SKP2: variants seen among roughly 807,000 people sequenced by gnomAD.
SKP2 encodes S-phase kinase-associated protein 2.
SKP2 carries 16 observed loss-of-function variants against 51.8 expected under a neutral mutation model. That is an observed-to-expected ratio of 0.31 (90% confidence interval 0.21 to 0.47). The LOEUF is 0.47. SKP2 is among the 20% of genes least tolerant of loss of function. SKP2 has a pLI of 1.00. For synonymous variants in SKP2, 176 were observed against 198.6 expected, an observed-to-expected ratio of 0.89 and a Z score of 0.96; for missense variants, 377 against 505.3, an observed-to-expected ratio of 0.75 and a Z score of 2.43.
rs1474443290 is a variant in SKP2 at position 36,183,514 on chromosome 5, G to A, written c.*1483G>A. 6 of 704,876 alleles carry A rather than the reference G, an allele frequency of 8.5e-6. No homozygotes were observed. Among genetic ancestry groups the A allele is most frequent in the South Asian group, 6.3e-5 (1 of 15,992 alleles). The allele number at this position is 704,876 out of a possible 1,614,324, so 43.7% of individuals were successfully genotyped here. On this transcript the variant is annotated 3_prime_UTR_variant, in exon 10 of 10. Coordinates refer to ENST00000274255, the MANE Select transcript of SKP2 (RefSeq NM_005983.4). ...AATCTCCTGACCTCATGATCCGCCC[G>A]TCTTGGCCTCCCAAAGTGCTGGGAT...
chr5:36,156,390 G>A (rs1744948383), intron 2 of SKP2, among the ~76,000 whole-genome samples: 1 of 152,184 alleles, frequency 6.6e-6, no homozygotes, highest in South Asian at 2.1e-4. Context: ...TCTGATGACT[G>A]GTTCTGGGCT....
chr5:36,168,775 C>T (rs1240064391), intron 5 of SKP2, among the ~76,000 whole-genome samples: 2 of 152,094 alleles, frequency 1.3e-5, no homozygotes, highest in Non-Finnish European at 2.9e-5. Context: ...TACCTTCTTG[C>T]AAGAGGAAAC....
chr5:36,163,838 T>C, intron 3 of SKP2, 82 bp downstream of exon 3: 1 of 923,068 alleles, frequency 1.1e-6, no homozygotes, highest in Non-Finnish European at 1.8e-6. Flanking sequence ...CTGATGAAAC[T>C]AAAAACCAAG....
At chr5:36,163,280 A>T (rs919302788) in intron 2 of SKP2, among the ~76,000 whole-genome samples, 1 of 152,178 alleles carries the variant, frequency 6.6e-6, no homozygotes, top group Non-Finnish European at 1.5e-5. Flanking sequence ...AGAGGGTGGG[A>T]CTTGCTCTGT....
Position 36,153,010 on chromosome 5 carries a change from G to T in SKP2, c.248G>T (p.Arg83Leu), listed in dbSNP as rs749090958. The T allele has an allele frequency of 3.7e-6, 6 of 1,614,100 alleles. No homozygotes were observed. Among genetic ancestry groups the T allele is most frequent in the South Asian group, 1.1e-5 (1 of 91,080 alleles). Residue 83 changes from arginine (R) to leucine (L), a missense_variant, in exon 2 of 10, where the codon CGC (arginine) becomes CTC (leucine). By Grantham distance (102) the Arg-to-Leu change is moderately radical. Transcript: ENST00000274255. ...KGSDKDFVIV[R>L]RPKLNRENFP... Reference sequence around the variant, plus strand: ...AGTGACAAAGACTTTGTGATTGTCCGCAGGCCTAAGCTAAATCGAGAGAAC... The same window carrying T: ...AGTGACAAAGACTTTGTGATTGTCCTCAGGCCTAAGCTAAATCGAGAGAAC...
At position 36,182,630 on chromosome 5, in the gene SKP2, A is replaced by T. The variant is rs1172641325; in HGVS notation, c.*599A>T. On this transcript the variant is annotated 3_prime_UTR_variant, in exon 10 of 10. Transcript: ENST00000274255. The stretch of plus-strand genomic sequence containing the variant: ...CATGTAATTCACCTTAAAACTTAAC[A>T]AAAGACCAAACATTACAAAACCCAG... The T allele has an allele frequency of 6.1e-5, 60 of 982,240 alleles. No individual in the cohort carries two copies. The highest frequency in any genetic ancestry group is 6.9e-5 in the Non-Finnish European group (57 of 827,124). 60.8% of individuals were successfully genotyped at this position (982,240 alleles called of 1,614,324 possible).
chr5:36,178,888 T>C (rs1428074811), intron 9 of SKP2, among the ~76,000 whole-genome samples: 1 of 152,032 alleles, frequency 6.6e-6, no homozygotes, highest in Non-Finnish European at 1.5e-5. Context: ...TTTTATCCAG[T>C]GGGATAATAG....
rs10064044 is a variant in SKP2 at position 36,189,341 on chromosome 5, C to T, written c.633-3280C>T. Among the ~76,000 whole-genome samples, 682 of 152,238 alleles carry T rather than the reference C, an allele frequency of 4.5e-3. 6 individuals carry two copies. The highest frequency in any genetic ancestry group is 0.016 in the African/African-American group (656 of 41,536). On this transcript the variant is annotated intron_variant, in intron 6 of 7. Transcript: ENST00000677886. Reference sequence around the variant, plus strand: ...TCAGCTTTTCTGCTCTGTTTTTTCCCTATCTTTGTGGTTTTATCTACCTTT... The same window carrying T: ...TCAGCTTTTCTGCTCTGTTTTTTCCTTATCTTTGTGGTTTTATCTACCTTT...
chr5:36,155,262 G>A (rs1744907791), intron 2 of SKP2: 3 of 152,102 alleles, frequency 2.0e-5, no homozygotes, highest in Admixed American at 2.0e-4. Context: ...CTTTTCTTTA[G>A]GAAAGAGAAC....
chr5:36,173,197 A>G lies in SKP2; in HGVS notation c.901+1464A>G, dbSNP rs115019165. ...AATAATTTATATTAAGTCAATAACA[A>G]TATATGCAGTTGATCAGAATTCTAA... is the stretch of plus-strand genomic sequence containing the variant. On this transcript the variant is annotated intron_variant, in intron 7 of 9. Transcript: ENST00000274255. Among the ~76,000 whole-genome samples, 436 of 152,300 alleles carry G rather than the reference A, an allele frequency of 2.9e-3. 3 individuals carry two copies. Among genetic ancestry groups the G allele is most frequent in the African/African-American group, 0.01 (416 of 41,554 alleles).
chr5:36,162,577 G>T (rs1745156588), intron 2 of SKP2, among the ~76,000 whole-genome samples: 1 of 152,192 alleles, frequency 6.6e-6, no homozygotes, highest in African/African-American at 2.4e-5. Context: ...GTCCCACGAA[G>T]GTAGTGTTTT....
At chr5:36,152,662 C>A in intron 1 of SKP2, 109 bp from the exon 2 acceptor site, 1 of 1,153,332 alleles carries the variant, frequency 8.7e-7, no homozygotes, top group Non-Finnish European at 1.2e-6. Flanking sequence ...ATTCTGTTAG[C>A]TGCTGTGAAG....
intron 2 of SKP2, among the ~76,000 whole-genome samples, chr5:36,161,052 C>T (rs1467474443): frequency 6.6e-6 from 1 of 152,132 alleles, no homozygotes; most frequent in Non-Finnish European, 1.5e-5. Flanking sequence ...ACCCCTGCGC[C>T]ATTCCCATAA....
chr5:36,157,056 T>C (rs1426450065), intron 2 of SKP2, among the ~76,000 whole-genome samples: 1 of 152,214 alleles, frequency 6.6e-6, no homozygotes, highest in East Asian at 1.9e-4. Context: ...ATTCTTTATA[T>C]GTACATATAT....
chr5:36,182,089 C>A lies in SKP2; in HGVS notation c.*58C>A. On this transcript the variant is annotated 3_prime_UTR_variant, in exon 10 of 10. Transcript: ENST00000274255. Reference sequence around the variant, plus strand: ...GAACAGGGAAAATAGGCAGGAAGCCCAATTGCTGGAGTACTTAGCTAGTTT... The same window carrying A: ...GAACAGGGAAAATAGGCAGGAAGCCAAATTGCTGGAGTACTTAGCTAGTTT... The A allele has an allele frequency of 6.3e-7, 1 of 1,584,696 alleles. No individual in the cohort carries two copies. The highest frequency in any genetic ancestry group is 8.6e-7 in the Non-Finnish European group (1 of 1,163,466).
At chr5:36,168,522 G>A (rs1745367387) in intron 5 of SKP2, 75 bp downstream of exon 5, 2 of 1,405,278 alleles carry the variant, frequency 1.4e-6, no homozygotes, top group Non-Finnish European at 2.0e-6. Flanking sequence ...TATAACTGGG[G>A]TGCCCTTCTA....
intron 9 of SKP2, 88 bp downstream of exon 9, chr5:36,177,380 CAT>C (rs1745669073): frequency 1.2e-6 from 1 of 817,366 alleles, no homozygotes; most frequent in Non-Finnish European, 2.1e-6. Context: ...TATTAATAGA[CAT>C]ATGAAACCGA....
intron 7 of SKP2, 104 bp downstream of exon 7, chr5:36,171,837 C>A: frequency 8.7e-7 from 1 of 1,151,502 alleles, no homozygotes. Context: ...CTCATTTAAT[C>A]CAGTGCATGT....
chr5:36,176,151 T>A (rs1745625922), intron 7 of SKP2, among the ~76,000 whole-genome samples: 1 of 152,006 alleles, frequency 6.6e-6, no homozygotes, highest in African/African-American at 2.4e-5. Context: ...TTTCTAATTT[T>A]ATTTGGTATT....
Sources: allele counts gnomAD v4.1 joint callset (sites outside exome capture counted in the v4.1 genomes callset), GRCh38; gene constraint gnomAD v4.1.1; transcripts MANE v1.5; gene names NCBI Gene and HGNC (gene_info 2026-07-23, HGNC 2026-07-21).